PRKDC: variants seen among roughly 807,000 people sequenced by gnomAD.
PRKDC encodes DNA-dependent protein kinase catalytic subunit.
In PRKDC, 82 loss-of-function variants were observed where a neutral mutation model predicts 486.9. The ratio of observed to expected loss-of-function variants is 0.17; its 90% CI spans 0.14 to 0.20. PRKDC has a LOEUF of 0.20. Ranked by LOEUF, PRKDC falls within the 10% of genes least tolerant of loss-of-function variation. PRKDC has a pLI of 1.00. For synonymous variants in PRKDC, 1,895 were observed against 1,837.0 expected (o/e 1.03, Z -0.81); for missense variants, 4,504 against 5,038.2 (o/e 0.89, Z 3.21).
rs1464643889 is a variant in PRKDC at position 47,902,617 on chromosome 8, T to C, written c.3221A>G (p.Lys1074Arg). ...AAAGGCAAGTGATGCTCCCAGCCTC[T>C]TGAAAGCATTGGGGTGAAGCGCAAG... is the stretch of plus-strand genomic sequence containing the variant. The part of the protein sequence containing the change: ...YSLALHPNAF[K>R]RLGASLAFNN... Residue 1074 changes from lysine to arginine, a missense_variant, in exon 27 of 86, where the codon AAG (lysine) becomes AGG (arginine). Around this residue, in one of 6 missense-constraint regions of PRKDC, gnomAD observed 1,969 missense variants for 2,068.9 expected, o/e 0.95. Transcript: ENST00000314191. 1 of 1,608,710 alleles carries C rather than the reference T, an allele frequency of 6.2e-7. No individual in the cohort carries two copies. Among genetic ancestry groups the C allele is most frequent in the Non-Finnish European group, 8.5e-7 (1 of 1,177,780 alleles).
At chr8:47,859,583 A>G in intron 46 of PRKDC, 28 bp downstream of exon 46, 1 of 1,603,794 alleles carries the variant, frequency 6.2e-7, no homozygotes, top group Non-Finnish European at 8.5e-7. Flanking sequence ...CATCGACAAT[A>G]TTCTTTTAGT....
At chr8:47,824,512 C>G (rs1259332546) in intron 63 of PRKDC, among the ~76,000 whole-genome samples, 1 of 136,790 alleles carries the variant, frequency 7.3e-6, no homozygotes, top group African/African-American at 2.6e-5. Context: ...CTGAAAATAT[C>G]AAAGGTTCAC....
chr8:47,858,211 C>G (rs1348044574), intron 48 of PRKDC, among the ~76,000 whole-genome samples: 1 of 145,368 alleles, frequency 6.9e-6, no homozygotes, highest in African/African-American at 2.5e-5. Flanking sequence ...TTTTTTCCTA[C>G]TATAAGGAAA....
chr8:47,935,227 C>T lies in PRKDC; in HGVS notation c.1448-169G>A, dbSNP rs148621064. 3.9e-5 allele frequency among the ~76,000 whole-genome samples: 6 copies of T among 152,164 alleles called. No homozygotes were observed. The East Asian group carries it at 7.7e-4, about 20-fold the overall frequency. On this transcript the variant is annotated intron_variant, in intron 13 of 85. Transcript: ENST00000314191. Reference sequence around the variant, plus strand: ...TTAAAACTTAAAACTATTGGCCAGGCGCGGTGGCTCATGCCTGTAATCCCA... The same window carrying T: ...TTAAAACTTAAAACTATTGGCCAGGTGCGGTGGCTCATGCCTGTAATCCCA...
chr8:47,815,120 C>T (rs981391509), intron 68 of PRKDC, among the ~76,000 whole-genome samples: 1 of 152,042 alleles, frequency 6.6e-6, no homozygotes, highest in Non-Finnish European at 1.5e-5. Flanking sequence ...GAGCCATTAT[C>T]GGGTGACAGA....
chr8:47,870,396 C>T (rs2088924269), intron 40 of PRKDC, among the ~76,000 whole-genome samples: 1 of 152,172 alleles, frequency 6.6e-6, no homozygotes, highest in African/African-American at 2.4e-5. Context: ...AGAGTCTCTG[C>T]CTGGTAATCC....
chr8:47,877,500 C>A (rs1021339373), intron 40 of PRKDC, among the ~76,000 whole-genome samples: 1 of 152,172 alleles, frequency 6.6e-6, no homozygotes, highest in African/African-American at 2.4e-5. Context: ...TTGGAAAATG[C>A]TGAACTTTGT....
rs200669578 is a variant in PRKDC, at chr8:47,902,737, C to T, written c.3101G>A (p.Arg1034Gln). ...CTTAATGGACCATTTAAGGAATTCT[C>T]GAATACACCGACCACAAAAATCTCT... ...TLRDFCGRCI[R>Q]EFLKWSIKQI... Residue 1034 changes from arginine to glutamine, a missense_variant, in exon 27 of 86, where the codon CGA becomes CAA. By Grantham distance (43) the Arg-to-Gln change is conservative. Transcript: ENST00000314191. 206 of 1,613,782 alleles carry T rather than the reference C, an allele frequency of 1.3e-4. No individual in the cohort carries two copies. The African/African-American group carries it at 1.8e-3, about 14-fold the overall frequency.
intron 7 of PRKDC, among the ~76,000 whole-genome samples, chr8:47,947,353 C>G (rs2090551375): frequency 1.3e-5 from 2 of 152,338 alleles, no homozygotes; most frequent in East Asian, 3.9e-4. Flanking sequence ...TGCTGAACCC[C>G]AAAATCAGCA....
Position 47,777,788 on chromosome 8 carries a change from C to T in PRKDC, c.11940G>A (p.Met3980Ile), listed in dbSNP as rs557049093. 8.1e-6 allele frequency: 13 copies of T among 1,613,988 alleles called. 1 individual carries two copies. The highest frequency in any genetic ancestry group is 3.3e-5 in the South Asian group (3 of 91,082). Reference sequence around the variant, plus strand: ...GGAGTGCGTGTACCATGATGCTGTACATAAGGCCCGTTTCTTTCATTGGTA... The same window carrying T: ...GGAGTGCGTGTACCATGATGCTGTATATAAGGCCCGTTTCTTTCATTGGTA... ...LMLPMKETGL[M>I]YSIMVHALRA... Residue 3980 changes from methionine (M) to isoleucine (I), a missense_variant, in exon 84 of 86, where the codon ATG (methionine) becomes ATA (isoleucine). Physicochemically the swap from Met to Ile is conservative, Grantham distance 10. This residue lies in a region of PRKDC where 706 missense variants were observed against 945.0 expected (regional missense o/e 0.75). Coordinates refer to ENST00000314191, the MANE Select transcript of PRKDC (RefSeq NM_006904.7).
At chr8:47,775,849 G>C (rs1361862518) in intron 85 of PRKDC, among the ~76,000 whole-genome samples, 2 of 147,588 alleles carry the variant, frequency 1.4e-5, no homozygotes, top group African/African-American at 5.0e-5. Flanking sequence ...CTGAGGCAGA[G>C]TCTCACTTTG....
At position 47,782,629 on chromosome 8, in the gene PRKDC, C is replaced by A. The variant is rs766594577; in HGVS notation, c.11176-31G>T. 3.2e-6 allele frequency: 5 copies of A among 1,544,346 alleles called. No homozygotes were observed. Among genetic ancestry groups the A allele is most frequent in the Non-Finnish European group, 4.4e-6 (5 of 1,143,158 alleles). On this transcript the variant is annotated intron_variant, in intron 78 of 85. Transcript: ENST00000314191. This position sits in a 1 kb window ranked among gnomAD's most constrained non-coding sequence, Gnocchi z 4.9. ...AAAATCAGAATGTCATCTCAGGGCA[C>A]AGGCTAGCCACGTGTCAAACTCAGA...
At chr8:47,896,626 A>C (rs901704194) in intron 30 of PRKDC, among the ~76,000 whole-genome samples, 2 of 151,406 alleles carry the variant, frequency 1.3e-5, no homozygotes, top group African/African-American at 4.9e-5. Flanking sequence ...CAGCCTGGGC[A>C]AAAGAGCGAG....
intron 67 of PRKDC, 119 bp from the exon 68 acceptor site, chr8:47,817,680 T>G: frequency 1.6e-6 from 1 of 618,640 alleles, no homozygotes; most frequent in South Asian, 2.6e-5. Context: ...AAAAGTCCTT[T>G]CTTTTACAAA....
At position 47,960,064 on chromosome 8, in the gene PRKDC, A is replaced by C; in HGVS notation, c.63T>G (p.Ala21=). 6.5e-7 allele frequency: 1 copy of C among 1,532,236 alleles called. No homozygotes were observed. The highest frequency in any genetic ancestry group is 1.2e-5 in the South Asian group (1 of 83,916). The allele number at this position is 1,532,236 out of a possible 1,614,324, so 94.9% of individuals were successfully genotyped here. A position where few individuals can be genotyped will look rare whatever the true frequency, so the allele number is the denominator to read the frequency against. Residue 21 remains alanine, a synonymous_variant, in exon 1 of 86, where the codon GCT becomes GCG. Transcript: ENST00000314191. The stretch of plus-strand genomic sequence containing the variant: ...CCAGGGCAGCACCGCAGCGGTCCGC[A>C]GCGGACAAGGTCTCCTGCAGCCGCA... ...SLLRLQETLS[A]ADRCGAALAG... is the part of the protein sequence containing the mutation.
intron 73 of PRKDC, among the ~76,000 whole-genome samples, chr8:47,796,954 C>T (rs1197552583): frequency 6.6e-6 from 1 of 151,984 alleles, no homozygotes; most frequent in Non-Finnish European, 1.5e-5. Context: ...AACTATTTTC[C>T]TTCATGGATT....
intron 43 of PRKDC, 74 bp downstream of exon 43, chr8:47,862,299 T>C: frequency 6.8e-7 from 1 of 1,466,662 alleles, no homozygotes; most frequent in Non-Finnish European, 9.3e-7. Context: ...ATAAATTATC[T>C]GTAAGTTTGA....
intron 27 of PRKDC, among the ~76,000 whole-genome samples, chr8:47,901,022 T>G: frequency 6.8e-6 from 1 of 147,832 alleles, no homozygotes; most frequent in South Asian, 2.1e-4. Context: ...GGTGCAGTGG[T>G]GCACACCTGT....
intron 1 of PRKDC, 38 bp from the exon 2 acceptor site, chr8:47,957,469 C>T: frequency 6.7e-7 from 1 of 1,494,820 alleles, no homozygotes; most frequent in Non-Finnish European, 9.1e-7. Flanking sequence ...AAGAGAGTGC[C>T]AAGAGCATCA....
Sources: gnomAD v4.1 joint callset for allele counts (sites outside exome capture counted in the v4.1 genomes callset) on GRCh38, gnomAD v4.1.1 for gene constraint, gnomAD v4.1.1 regional missense constraint, Gnocchi (gnomAD v3.1) non-coding constraint, MANE v1.5 for transcripts, NCBI Gene and HGNC (gene_info 2026-07-23, HGNC 2026-07-21) for gene names.